CAMK4: variants seen among roughly 807,000 people sequenced by gnomAD.
CAMK4 encodes the protein calcium/calmodulin dependent protein kinase IV.
Under a neutral mutation model 44.9 loss-of-function variants are expected in CAMK4, and 22 were observed. That is an observed-to-expected ratio of 0.49 (90% CI 0.35 to 0.70). The LOEUF is 0.70. CAMK4 is among the 30% of genes least tolerant of loss of function. The pLI, the probability that CAMK4 is intolerant of heterozygous loss-of-function variation, is 0.01. For synonymous variants in CAMK4, 218 were observed against 215.4 expected (o/e 1.01, Z -0.11); for missense variants, 498 against 586.8 (o/e 0.85, Z 1.56).
chr5:111,360,810 A>C (rs971744997), intron 2 of CAMK4, among the ~76,000 whole-genome samples: 1 of 152,104 alleles, frequency 6.6e-6, no homozygotes, highest in Admixed American at 6.6e-5. Context: ...ATGCTACCTC[A>C]GAAAATCTAG....
rs184134238 is a variant in CAMK4, at chr5:111,314,698, T to G, written c.162-29326T>G. On this transcript the variant is annotated intron_variant, in intron 1 of 10. Transcript: ENST00000282356. ...TTTCATTTCTGTTCTTGAATATGATTGAAAACCATTAAGACCATCAAATAA... is the reference window on the plus strand; with the variant it reads ...TTTCATTTCTGTTCTTGAATATGATGGAAAACCATTAAGACCATCAAATAA... Among the ~76,000 whole-genome samples the G allele has an allele frequency of 2.0e-4, 30 of 152,198 alleles. No homozygotes were observed. The East Asian group carries it at 5.6e-3, about 28-fold the overall frequency.
At position 111,466,401 on chromosome 5, in the gene CAMK4, A is replaced by T. The variant is rs1474902999; in HGVS notation, c.626-6910A>T. On this transcript the variant is annotated intron_variant, in intron 7 of 10. Coordinates refer to ENST00000282356, the MANE Select transcript of CAMK4 (RefSeq NM_001744.6). ...AAGGTATCCAAATCGGTAATGAGGA[A>T]GTCAAACTGTCAGTTTGCTGGTGAT... Among the ~76,000 whole-genome samples, 3 of 152,300 alleles carry T rather than the reference A, an allele frequency of 2.0e-5. No homozygotes were observed. The East Asian group carries it at 5.8e-4, about 29-fold the overall frequency.
chr5:111,473,440 TC>T, intron 8 of CAMK4, 54 bp downstream of exon 8: 1 of 1,095,430 alleles, frequency 9.1e-7, no homozygotes, highest in Non-Finnish European at 1.4e-6. Context: ...TGTGACATTT[TC>T]TAGATACCTC....
intron 1 of CAMK4, among the ~76,000 whole-genome samples, chr5:111,318,984 T>C (rs774246373): frequency 3.4e-4 from 52 of 152,288 alleles, no homozygotes; most frequent in South Asian, 4.2e-4. Context: ...CTTCCCTTCT[T>C]AGAGGATTTA....
intron 5 of CAMK4, among the ~76,000 whole-genome samples, chr5:111,428,890 C>T (rs2112934169): frequency 1.3e-5 from 2 of 152,240 alleles, no homozygotes; most frequent in Middle Eastern, 6.8e-3. Context: ...TTGAAGACTA[C>T]TTCAAGGTAT....
At chr5:111,233,278 A>C (rs552433920) in intron 1 of CAMK4, among the ~76,000 whole-genome samples, 6 of 152,290 alleles carry the variant, frequency 3.9e-5, no homozygotes, top group African/African-American at 1.2e-4. Flanking sequence ...TGAAAATGTC[A>C]ACTTTTTATT....
At chr5:111,326,618 C>T (rs967430488) in intron 1 of CAMK4, among the ~76,000 whole-genome samples, 10 of 149,486 alleles carry the variant, frequency 6.7e-5, no homozygotes, top group Admixed American at 2.0e-4. Context: ...TTATTAACTT[C>T]GGTAACAGGC....
chr5:111,452,771 T>C (rs2300781), intron 7 of CAMK4, among the ~76,000 whole-genome samples: 50,898 of 152,024 alleles, frequency 0.33, 10,210 homozygotes, highest in Middle Eastern at 0.5. Flanking sequence ...TGGTAAATAA[T>C]GAGGAAACAG....
chr5:111,237,287 C>A (rs1748773470), intron 1 of CAMK4, among the ~76,000 whole-genome samples: 1 of 152,210 alleles, frequency 6.6e-6, no homozygotes, highest in Admixed American at 6.5e-5. Flanking sequence ...ATCAGGGATA[C>A]TGTCACCTTC....
intron 1 of CAMK4, among the ~76,000 whole-genome samples, chr5:111,288,947 G>A (rs1234669702): frequency 2.6e-5 from 4 of 152,198 alleles, no homozygotes; most frequent in Admixed American, 2.0e-4. Context: ...TTTGGTTAAA[G>A]TCCCATGCAC....
intron 7 of CAMK4, among the ~76,000 whole-genome samples, chr5:111,471,295 T>G (rs1416750750): frequency 6.6e-6 from 1 of 152,236 alleles, no homozygotes; most frequent in Admixed American, 6.5e-5. Flanking sequence ...CTATTGTTTC[T>G]GCTCTTGCCA....
intron 1 of CAMK4, among the ~76,000 whole-genome samples, chr5:111,267,911 T>C (rs1166205386): frequency 6.6e-6 from 1 of 152,188 alleles, no homozygotes; most frequent in Non-Finnish European, 1.5e-5. Context: ...TACAGAACTC[T>C]GTATTATTTA....
chr5:111,233,538 T>C (rs555752823), intron 1 of CAMK4, among the ~76,000 whole-genome samples: 13 of 152,224 alleles, frequency 8.5e-5, no homozygotes, highest in African/African-American at 3.1e-4. Flanking sequence ...ACAATGTTCA[T>C]ATCAAAAGAC....
intron 5 of CAMK4, among the ~76,000 whole-genome samples, chr5:111,406,151 T>A (rs1752418086): frequency 6.6e-6 from 1 of 151,708 alleles, no homozygotes; most frequent in African/African-American, 2.4e-5. Flanking sequence ...TTCCTCTGAT[T>A]ACCTCTTTCT....
intron 1 of CAMK4, among the ~76,000 whole-genome samples, chr5:111,313,951 A>T (rs1404425608): frequency 6.6e-6 from 1 of 152,084 alleles, no homozygotes. Flanking sequence ...AATAATTTGT[A>T]TGGGTATATC....
chr5:111,408,116 A>AAGAGAGAGAG (rs57215459), intron 5 of CAMK4, among the ~76,000 whole-genome samples: 6 of 149,374 alleles, frequency 4.0e-5, no homozygotes, highest in African/African-American at 1.2e-4. Context: ...CAAAGAAAGA[A>AAGAGAGAGAG]AGAGAGAGAG....
rs543678908 is a variant in CAMK4 at position 111,487,141 on chromosome 5, G to A, written c.*2675G>A. 36 of 152,266 alleles carry A rather than the reference G, an allele frequency of 2.4e-4. No homozygotes were observed. The highest frequency in any genetic ancestry group is 8.2e-4 in the African/African-American group (34 of 41,564). The allele number at this position is 152,266 out of a possible 1,614,324, so 9.4% of individuals were successfully genotyped here. On this transcript the variant is annotated 3_prime_UTR_variant, in exon 11 of 11. Coordinates refer to ENST00000282356, the MANE Select transcript of CAMK4 (RefSeq NM_001744.6). The stretch of plus-strand genomic sequence containing the variant: ...CTTAGCTAAATAATAGTAGACAAAT[G>A]GAGATTTAATTTCACAAAATACTTC...
chr5:111,233,282 T>C (rs1748558964), intron 1 of CAMK4, among the ~76,000 whole-genome samples: 1 of 152,190 alleles, frequency 6.6e-6, no homozygotes, highest in Admixed American at 6.5e-5. Context: ...AATGTCAACT[T>C]TTTATTAGTT....
At chr5:111,316,180 C>G (rs1486635919) in intron 1 of CAMK4, among the ~76,000 whole-genome samples, 5 of 152,098 alleles carry the variant, frequency 3.3e-5, no homozygotes, top group Non-Finnish European at 7.4e-5. Flanking sequence ...TACTCTAATC[C>G]TTTTTCTCCA....
Sources: gnomAD v4.1 joint callset for allele counts (sites outside exome capture counted in the v4.1 genomes callset) on GRCh38, gnomAD v4.1.1 for gene constraint, MANE v1.5 for transcripts, NCBI Gene and HGNC (gene_info 2026-07-23, HGNC 2026-07-21) for gene names.